NUP188: variants seen among roughly 807,000 people sequenced by gnomAD.
NUP188 encodes nucleoporin NUP188.
NUP188 carries 97 observed loss-of-function variants against 223.0 expected under a neutral mutation model. That is an observed-to-expected ratio of 0.43 (90% CI 0.37 to 0.51). NUP188 has a LOEUF of 0.51. NUP188 is among the 20% of genes least tolerant of loss of function. The pLI, the probability that NUP188 is intolerant of heterozygous loss-of-function variation, is 0.00. For missense variants in NUP188, 1,947 were observed against 2,175.6 expected, an observed-to-expected ratio of 0.89 and a Z score of 2.09; for synonymous variants, 869 against 828.0, an observed-to-expected ratio of 1.05 and a Z score of -0.85.
At chr9:128,986,218 C>T (rs533096089) in intron 20 of NUP188, among the ~76,000 whole-genome samples, 3 of 152,228 alleles carry the variant, frequency 2.0e-5, no homozygotes, top group Admixed American at 6.5e-5. Flanking sequence ...TTAGGGACGG[C>T]TGGCAATCAT....
At chr9:129,000,020 G>C (rs1422767933) in intron 34 of NUP188, among the ~76,000 whole-genome samples, 1 of 152,258 alleles carries the variant, frequency 6.6e-6, no homozygotes, top group Non-Finnish European at 1.5e-5. Context: ...TCTCACTTCT[G>C]ACTTGAACTG....
In NUP188 at chr9:129,005,542, C is replaced by T. The variant is rs776645435; in HGVS notation, c.4737+12C>T. On this transcript the variant is annotated intron_variant, in intron 40 of 43. Transcript: ENST00000372577. ...TTCTGCTGGATCAGGTACTGCCCAT[C>T]ATCTGTTCAGCACCACCTCCCCTAA... 9.9e-6 allele frequency: 16 copies of T among 1,609,112 alleles called. No individual in the cohort carries two copies. In the Admixed American group the frequency reaches 1.0e-4, roughly 10 times the overall value.
At position 128,984,124 on chromosome 9, in the gene NUP188, A is replaced by ATTTTTTTTTTTTTTT. The variant is rs1193631566; in HGVS notation, c.1961+579_1961+593dup. On this transcript the variant is annotated intron_variant, in intron 19 of 43. Transcript: ENST00000372577. The stretch of plus-strand genomic sequence containing the variant: ...GGCGTGAGCCACCGCGCCTGGCCTG[A>ATTTTTTTTTTTTTTT]TTTTTTTTTTTTTTTTTTTGAGATG... Among the ~76,000 whole-genome samples the ATTTTTTTTTTTTTTT allele has an allele frequency of 6.2e-4, 58 of 93,048 alleles. 7 individuals carry two copies. The highest frequency in any genetic ancestry group is 6.3e-3 in the Middle Eastern group (1 of 160). 61.0% of individuals were successfully genotyped at this position (93,048 alleles called of 152,430 possible).
chr9:128,971,654 G>A (rs1339763420), intron 11 of NUP188, among the ~76,000 whole-genome samples: 1 of 152,094 alleles, frequency 6.6e-6, no homozygotes, highest in African/African-American at 2.4e-5. Context: ...TCCTGACCTC[G>A]TGATCCACCC....
At position 128,980,676 on chromosome 9, in the gene NUP188, T is replaced by C; in HGVS notation, c.1340T>C (p.Leu447Pro). 1 of 1,614,108 alleles carries C rather than the reference T, an allele frequency of 6.2e-7. No homozygotes were observed. Among genetic ancestry groups the C allele is most frequent in the Non-Finnish European group, 8.5e-7 (1 of 1,180,002 alleles). ...CGMFPHLLSP[L>P]LQLLRALVSG... ...ATGTTTCCCCACCTTCTCTCCCCACTCCTGCAACTGCTCCGAGCCCTGGTA... is the reference window on the plus strand; with the variant it reads ...ATGTTTCCCCACCTTCTCTCCCCACCCCTGCAACTGCTCCGAGCCCTGGTA... The change falls in exon 14 of 44, where the codon CTC becomes CCC. Residue 447 changes from leucine (L) to proline (P), a missense_variant. This residue lies in a region of NUP188 where 817 missense variants were observed against 865.8 expected (regional missense o/e 0.94). Coordinates refer to ENST00000372577, the MANE Select transcript of NUP188 (RefSeq NM_015354.3).
chr9:128,993,798 A>AGT, intron 27 of NUP188, 104 bp downstream of exon 27: 1 of 1,021,562 alleles, frequency 9.8e-7, no homozygotes, highest in Non-Finnish European at 1.5e-6. Context: ...TGGGAATAAG[A>AGT]GTGCTTAGTC....
rs775418438 is a variant in NUP188, at chr9:128,947,740, G to A, written c.21G>A (p.Gly7=). Residue 7 remains glycine (G), a synonymous_variant, in exon 1 of 44, where the codon GGG becomes GGA. Transcript: ENST00000372577. ...CGAAGATGGCGGCGGCCGCCGGCGG[G>A]CCGTGTGTGAGGTGCGGAGCGGGTC... MAAAAG[G]PCVRSSRELW... is the part of the protein sequence containing the mutation. 25 of 1,474,630 alleles carry A rather than the reference G, an allele frequency of 1.7e-5. No homozygotes were observed. The highest frequency in any genetic ancestry group is 9.1e-5 in the South Asian group (7 of 76,588). 91.3% of individuals were successfully genotyped at this position (1,474,630 alleles called of 1,614,324 possible).
At chr9:128,949,159 C>G (rs775377575) in intron 1 of NUP188, 30 bp from the exon 2 acceptor site, 8 of 1,586,036 alleles carry the variant, frequency 5.0e-6, no homozygotes, top group Non-Finnish European at 6.1e-6. Context: ...TCAGAAAGAG[C>G]AAAATTACCT....
In NUP188 at chr9:129,006,846, T is replaced by A; in HGVS notation, c.*168T>A. 1.6e-6 allele frequency: 1 copy of A among 630,134 alleles called. No homozygotes were observed. The highest frequency in any genetic ancestry group is 2.6e-6 in the Non-Finnish European group (1 of 387,222). The allele number at this position is 630,134 out of a possible 1,614,324, so 39.0% of individuals were successfully genotyped here. ...CCACCCACTGACGTTATTTTTATAC[T>A]AGATGAAGAGGTCAACAGCAGGCAT... On this transcript the variant is annotated 3_prime_UTR_variant, in exon 44 of 44. Coordinates refer to ENST00000372577, the MANE Select transcript of NUP188 (RefSeq NM_015354.3).
rs1463809027 is a variant in NUP188, at chr9:128,999,288, T to G, written c.3632T>G (p.Ile1211Ser). 6.2e-7 allele frequency: 1 copy of G among 1,614,000 alleles called. No homozygotes were observed. The highest frequency in any genetic ancestry group is 1.3e-5 in the African/African-American group (1 of 74,910). Residue 1211 changes from isoleucine (I) to serine (S), a missense_variant, in exon 33 of 44, where the codon ATC (isoleucine) becomes AGC (serine). Physicochemically the swap from Ile to Ser is moderately radical, Grantham distance 142. Transcript: ENST00000372577. The part of the protein sequence containing the change: ...KTKAKVFSAF[I>S]TVLQMKEMKV... The stretch of plus-strand genomic sequence containing the variant: ...AAGGCCAAGGTGTTCTCAGCATTCA[T>G]CACAGTGTTGCAAATGAAGGAGATG...
At position 128,973,147 on chromosome 9, in the gene NUP188, T is replaced by C; in HGVS notation, c.1114-13T>C. The C allele has an allele frequency of 6.3e-7, 1 of 1,589,580 alleles. No homozygotes were observed. The highest frequency in any genetic ancestry group is 8.6e-7 in the Non-Finnish European group (1 of 1,159,304). On this transcript the variant is annotated splice_polypyrimidine_tract_variant and intron_variant, in intron 11 of 43. Coordinates refer to ENST00000372577, the MANE Select transcript of NUP188 (RefSeq NM_015354.3). ...TTACTCAGAATGATTCACTGACTCC[T>C]TTGTCATTCCAGTGCACCACCAGCA...
intron 11 of NUP188, among the ~76,000 whole-genome samples, chr9:128,971,663 C>T (rs1332751196): frequency 6.6e-6 from 1 of 152,186 alleles, no homozygotes; most frequent in East Asian, 1.9e-4. Context: ...CGTGATCCAC[C>T]CGCCTCGGCC....
At chr9:128,984,441 T>C (rs971738506) in intron 19 of NUP188, among the ~76,000 whole-genome samples, 2 of 152,132 alleles carry the variant, frequency 1.3e-5, no homozygotes, top group Admixed American at 6.5e-5. Flanking sequence ...CAAGAGAGAT[T>C]TCTTATCCAA....
chr9:128,959,742 G>A (rs1435950800), intron 8 of NUP188, among the ~76,000 whole-genome samples: 2 of 151,590 alleles, frequency 1.3e-5, no homozygotes, highest in Non-Finnish European at 2.9e-5. Flanking sequence ...GTTTCACCAT[G>A]TTGGCCAGGC....
chr9:128,961,170 A>C (rs187641469), intron 8 of NUP188, among the ~76,000 whole-genome samples: 120 of 144,174 alleles, frequency 8.3e-4, no homozygotes, highest in African/African-American at 2.8e-3. Context: ...AAAAATATAC[A>C]AAAAAAAAAA....
chr9:128,975,226 C>CTTTTTTTTTTTTT (rs540828761), intron 12 of NUP188, among the ~76,000 whole-genome samples: 16 of 131,870 alleles, frequency 1.2e-4, no homozygotes, highest in African/African-American at 4.8e-4. Context: ...TTTTCTTTTC[C>CTTTTTTTTTTTTT]TTTTTTTTTT....
intron 37 of NUP188, 135 bp downstream of exon 37, chr9:129,003,110 T>TA: frequency 8.9e-7 from 1 of 1,124,222 alleles, no homozygotes; most frequent in Non-Finnish European, 1.2e-6. Flanking sequence ...TGAGATGCTC[T>TA]AAGTACTCTG....
chr9:129,003,100 T>G (rs113425331), intron 37 of NUP188, 125 bp downstream of exon 37: 51 of 1,152,644 alleles, frequency 4.4e-5, no homozygotes, highest in African/African-American at 4.0e-4. Flanking sequence ...CCTTCATTTT[T>G]GAGATGCTCT....
At chr9:128,985,129 A>T in intron 20 of NUP188, 115 bp downstream of exon 20, 1 of 704,302 alleles carries the variant, frequency 1.4e-6, no homozygotes. Context: ...CTGTAGGCAG[A>T]ATAGTCATCT....
Sources: allele counts gnomAD v4.1 joint callset (sites outside exome capture counted in the v4.1 genomes callset), GRCh38; gene constraint gnomAD v4.1.1; regional missense constraint gnomAD v4.1.1; transcripts MANE v1.5; gene names NCBI Gene and HGNC (gene_info 2026-07-23, HGNC 2026-07-21).